Variants in GPATCH8 observed in about 807,000 individuals in gnomAD.
The protein encoded by GPATCH8 is G patch domain-containing protein 8.
A neutral mutation model predicts 118.3 loss-of-function variants in GPATCH8; 18 were observed. The ratio of observed to expected loss-of-function variants is 0.15; its 90% CI spans 0.11 to 0.23. GPATCH8 has a LOEUF of 0.23. Ranked by LOEUF, GPATCH8 falls within the 10% of genes least tolerant of loss-of-function variation. The pLI is 1.00. For synonymous variants in GPATCH8, 659 were observed against 684.7 expected (o/e 0.96, Z 0.59); for missense variants, 1,631 against 1,873.8 (o/e 0.87, Z 2.39).
chr17:44,435,179 T>A, intron 4 of GPATCH8, 28 bp from the exon 5 acceptor site: 1 of 1,027,800 alleles, frequency 9.7e-7, no homozygotes, highest in Non-Finnish European at 1.6e-6. Context: ...TGATTAGATT[T>A]AATTCCTAAA....
At chr17:44,492,422 A>G (rs1443095163) in intron 1 of GPATCH8, among the ~76,000 whole-genome samples, 1 of 149,710 alleles carries the variant, frequency 6.7e-6, no homozygotes, top group Non-Finnish European at 1.5e-5. Flanking sequence ...CCAAAAAAAA[A>G]TTAGCCAGGC....
intron 6 of GPATCH8, among the ~76,000 whole-genome samples, chr17:44,414,063 ATATATATATATATATATGTGTGTG>A (rs1468189679): frequency 1.0e-4 from 3 of 29,074 alleles, no homozygotes; most frequent in African/African-American, 2.7e-4. Context: ...TAAGGCATAT[ATATATATATATATATATGTGTGTG>A]TATATATATA....
At chr17:44,421,249 G>A (rs190670321) in intron 6 of GPATCH8, among the ~76,000 whole-genome samples, 4 of 152,008 alleles carry the variant, frequency 2.6e-5, no homozygotes, top group Admixed American at 2.6e-4. Flanking sequence ...GCTGAGGCAG[G>A]AGAATCGCTT....
chr17:44,447,609 T>C (rs2050934247), intron 3 of GPATCH8, among the ~76,000 whole-genome samples: 1 of 151,922 alleles, frequency 6.6e-6, no homozygotes, highest in African/African-American at 2.4e-5. Context: ...AATGAAAATA[T>C]TATCACCACC....
chr17:44,492,297 C>CAAAAAA (rs760386945), intron 1 of GPATCH8, among the ~76,000 whole-genome samples: 1 of 76,258 alleles, frequency 1.3e-5, no homozygotes, highest in Non-Finnish European at 2.4e-5. Flanking sequence ...TGAGACGTCT[C>CAAAAAA]AAAAAAAAAA....
intron 3 of GPATCH8, among the ~76,000 whole-genome samples, chr17:44,444,190 G>C (rs926561505): frequency 1.3e-5 from 2 of 150,942 alleles, no homozygotes; most frequent in Admixed American, 1.3e-4. Flanking sequence ...CTCATCCAGG[G>C]ATAACATGAT....
intron 1 of GPATCH8, among the ~76,000 whole-genome samples, chr17:44,492,890 C>A (rs1426249940): frequency 6.6e-6 from 1 of 151,996 alleles, no homozygotes; most frequent in Non-Finnish European, 1.5e-5. Flanking sequence ...TTTTCTTATC[C>A]TTTTATGATG....
chr17:44,403,691 C>CT (rs35050888), intron 7 of GPATCH8, among the ~76,000 whole-genome samples: 1,810 of 145,932 alleles, frequency 0.012, 36 homozygotes, highest in African/African-American at 0.037. Context: ...TGTAATCTCT[C>CT]TTTTTTTTTT....
At chr17:44,430,396 A>G (rs982223778) in intron 5 of GPATCH8, among the ~76,000 whole-genome samples, 11 of 152,168 alleles carry the variant, frequency 7.2e-5, no homozygotes, top group African/African-American at 2.7e-4. Flanking sequence ...CTACAATGTA[A>G]TACACCATTA....
intron 3 of GPATCH8, among the ~76,000 whole-genome samples, chr17:44,457,005 G>A (rs1013564940): frequency 1.3e-5 from 2 of 151,970 alleles, no homozygotes; most frequent in African/African-American, 4.8e-5. Context: ...TGGGATTACA[G>A]GCACGCACCA....
intron 5 of GPATCH8, among the ~76,000 whole-genome samples, chr17:44,426,830 TCAA>T (rs1450026465): frequency 7.1e-6 from 1 of 139,920 alleles, no homozygotes; most frequent in Non-Finnish European, 1.5e-5. Context: ...TTTGATCTCT[TCAA>T]CAACACACAC....
chr17:44,433,924 A>T (rs933767914), intron 5 of GPATCH8, among the ~76,000 whole-genome samples: 1 of 152,058 alleles, frequency 6.6e-6, no homozygotes, highest in Admixed American at 6.6e-5. Flanking sequence ...AGATCACGTG[A>T]GGTAAGGAGT....
intron 3 of GPATCH8, among the ~76,000 whole-genome samples, chr17:44,448,310 C>T (rs1427118252): frequency 6.6e-6 from 1 of 151,820 alleles, no homozygotes; most frequent in East Asian, 1.9e-4. Context: ...ATAATCCCAG[C>T]ACTTTGGGAG....
chr17:44,488,114 G>C (rs1159384476), intron 1 of GPATCH8, among the ~76,000 whole-genome samples: 4 of 151,534 alleles, frequency 2.6e-5, no homozygotes, highest in African/African-American at 9.7e-5. Flanking sequence ...CAGTAGAGAA[G>C]GGGTTTCACC....
chr17:44,497,424 T>C (rs1969739203), intron 1 of GPATCH8, among the ~76,000 whole-genome samples: 1 of 149,852 alleles, frequency 6.7e-6, no homozygotes, highest in South Asian at 2.1e-4. Flanking sequence ...ACCCCATCTC[T>C]ACAAAAATGA....
At chr17:44,415,953 C>T (rs1424295971) in intron 6 of GPATCH8, among the ~76,000 whole-genome samples, 1 of 152,190 alleles carries the variant, frequency 6.6e-6, no homozygotes, top group Non-Finnish European at 1.5e-5. Flanking sequence ...TTGAGGGTTA[C>T]CCCTAATCAC....
rs755759422 is a variant in GPATCH8, at chr17:44,400,928, T to C, written c.1149A>G (p.Glu383=). ...TLSKLKRMKR[E]EGAGATEPEY... is the part of the protein sequence containing the mutation. ...CAGGCTCTGTAGCCCCAGCTCCTTC[T>C]TCTCGTTTCATCCTTTTTAATTTGG... The change falls in exon 8 of 8, where the codon GAA becomes GAG. Residue 383 remains glutamate, a synonymous_variant. Transcript: ENST00000591680. 6.2e-7 allele frequency: 1 copy of C among 1,614,172 alleles called. No homozygotes were observed. Among genetic ancestry groups the C allele is most frequent in the East Asian group, 2.2e-5 (1 of 44,888 alleles).
rs1427734868 is a variant in GPATCH8, at chr17:44,397,351, G to A, written c.*217C>T. ...TAGCTTAGAAACACAGAAGAGGGAG[G>A]GACAAATTGAGAGGAGGACAGGAAA... On this transcript the variant is annotated 3_prime_UTR_variant, in exon 8 of 8. Transcript: ENST00000591680. 6.0e-5 allele frequency: 41 copies of A among 682,256 alleles called. No homozygotes were observed. The East Asian group carries it at 1.1e-3, about 18-fold the overall frequency. 42.3% of individuals were successfully genotyped at this position (682,256 alleles called of 1,614,324 possible).
At chr17:44,456,395 C>A (rs2051331599) in intron 3 of GPATCH8, among the ~76,000 whole-genome samples, 1 of 152,232 alleles carries the variant, frequency 6.6e-6, no homozygotes, top group South Asian at 2.1e-4. Flanking sequence ...GGATTATAGG[C>A]ATGAGCCACC....
Sources: gnomAD v4.1 joint callset for allele counts (sites outside exome capture counted in the v4.1 genomes callset) on GRCh38, gnomAD v4.1.1 for gene constraint, MANE v1.5 for transcripts, NCBI Gene and HGNC (gene_info 2026-07-23, HGNC 2026-07-21) for gene names.